MAMDC2: variants seen among roughly 807,000 people sequenced by gnomAD.
MAMDC2 encodes MAM domain containing 2.
MAMDC2 carries 57 observed loss-of-function variants against 89.8 expected under a neutral mutation model. That is an observed-to-expected ratio of 0.63 (90% CI 0.51 to 0.79). The LOEUF is 0.79. Among genes scored for constraint, MAMDC2 ranks in the 30% least tolerant of loss-of-function variants. The pLI is 0.00. For synonymous variants in MAMDC2, 313 were observed against 293.4 expected, an observed-to-expected ratio of 1.07 and a Z score of -0.68; for missense variants, 800 against 820.6, an observed-to-expected ratio of 0.97 and a Z score of 0.31.
intron 11 of MAMDC2, among the ~76,000 whole-genome samples, chr9:70,216,012 A>G (rs540679339): frequency 7.9e-5 from 12 of 152,350 alleles, no homozygotes; most frequent in African/African-American, 2.2e-4. Flanking sequence ...CTCGATTGCC[A>G]TATTTTTGGA....
At chr9:70,163,373 C>T (rs1285125003) in intron 9 of MAMDC2, among the ~76,000 whole-genome samples, 2 of 151,828 alleles carry the variant, frequency 1.3e-5, no homozygotes, top group East Asian at 2.0e-4. Flanking sequence ...GGACTACAGG[C>T]GTGAGCCACC....
At chr9:70,173,177 A>C (rs1293484875) in intron 11 of MAMDC2, among the ~76,000 whole-genome samples, 1 of 152,124 alleles carries the variant, frequency 6.6e-6, no homozygotes, top group Non-Finnish European at 1.5e-5. Flanking sequence ...TGGCTGTAGC[A>C]ACTGCAGTCT....
chr9:70,044,947 A>G (rs563088610), intron 2 of MAMDC2, among the ~76,000 whole-genome samples: 1 of 152,136 alleles, frequency 6.6e-6, no homozygotes, highest in East Asian at 1.9e-4. Context: ...TCACCCCAGC[A>G]CTCCTTAATG....
intron 12 of MAMDC2, 23 bp downstream of exon 12, chr9:70,218,619 TA>T (rs1399024912): frequency 6.4e-7 from 1 of 1,563,244 alleles, no homozygotes; most frequent in Admixed American, 1.9e-5. Flanking sequence ...AGATAAGAAC[TA>T]AGCAATGGAA....
At chr9:70,202,445 A>G (rs1217137794) in intron 11 of MAMDC2, among the ~76,000 whole-genome samples, 2 of 151,342 alleles carry the variant, frequency 1.3e-5, no homozygotes, top group African/African-American at 4.8e-5. Flanking sequence ...CTGTTCTTTT[A>G]CATTTGCTGA....
intron 11 of MAMDC2, among the ~76,000 whole-genome samples, chr9:70,215,885 GT>G (rs2033436901): frequency 6.6e-6 from 1 of 152,152 alleles, no homozygotes; most frequent in African/African-American, 2.4e-5. Flanking sequence ...TTCTCCCACT[GT>G]TTTAATAAAC....
intron 12 of MAMDC2, among the ~76,000 whole-genome samples, chr9:70,219,227 C>A (rs2033509334): frequency 2.0e-5 from 3 of 152,176 alleles, no homozygotes; most frequent in Admixed American, 2.0e-4. Flanking sequence ...TAGGTAGGGG[C>A]TGAACAGCCA....
chr9:70,082,487 T>C (rs1827675509), intron 2 of MAMDC2: 1 of 152,180 alleles, frequency 6.6e-6, no homozygotes, highest in South Asian at 2.1e-4. Flanking sequence ...ATTTAAAAAG[T>C]GAATGAAAGG....
intron 12 of MAMDC2, among the ~76,000 whole-genome samples, chr9:70,219,412 T>G (rs2033513047): frequency 6.6e-6 from 1 of 152,244 alleles, no homozygotes; most frequent in Non-Finnish European, 1.5e-5. Context: ...ACCTTCCTAC[T>G]CATTCTTACT....
chr9:70,205,433 C>G (rs2033204898), intron 11 of MAMDC2, among the ~76,000 whole-genome samples: 1 of 152,128 alleles, frequency 6.6e-6, no homozygotes, highest in African/African-American at 2.4e-5. Flanking sequence ...TCTTTTTCCC[C>G]TGATTTTTAA....
At chr9:70,118,816 CT>C (rs2118303046) in intron 5 of MAMDC2, among the ~76,000 whole-genome samples, 1 of 152,292 alleles carries the variant, frequency 6.6e-6, no homozygotes, top group Admixed American at 6.5e-5. Context: ...CAGGAGAGTG[CT>C]AGTCTTTGTG....
chr9:70,077,580 A>G (rs1827561570), intron 2 of MAMDC2, among the ~76,000 whole-genome samples: 1 of 152,198 alleles, frequency 6.6e-6, no homozygotes, highest in Admixed American at 6.5e-5. Context: ...TTTAGACAGC[A>G]TGGCTCCATG....
At chr9:70,126,752 C>G (rs1399506954) in intron 6 of MAMDC2, among the ~76,000 whole-genome samples, 1 of 152,090 alleles carries the variant, frequency 6.6e-6, no homozygotes, top group African/African-American at 2.4e-5. Context: ...AGATCAGAAC[C>G]CTCCAAGTAA....
At chr9:70,215,744 A>G (rs2033433326) in intron 11 of MAMDC2, among the ~76,000 whole-genome samples, 1 of 152,166 alleles carries the variant, frequency 6.6e-6, no homozygotes, top group Non-Finnish European at 1.5e-5. Flanking sequence ...GTCATTCCTT[A>G]TATGTGACTG....
chr9:70,161,744 C>G (rs114835566), intron 9 of MAMDC2, among the ~76,000 whole-genome samples: 1 of 152,112 alleles, frequency 6.6e-6, no homozygotes, highest in Non-Finnish European at 1.5e-5. Context: ...GCAATTACAT[C>G]GTATAGTATA....
At position 70,143,735 on chromosome 9, in the gene MAMDC2, A is replaced by G. The variant is rs202091853; in HGVS notation, c.1320A>G (p.Gln440=). 13 of 1,614,094 alleles carry G rather than the reference A, an allele frequency of 8.1e-6. No homozygotes were observed. The highest frequency in any genetic ancestry group is 3.3e-4 in the Middle Eastern group (2 of 6,084). The part of the protein sequence containing the change: ...VYIFEENHVV[Q]EKIWSVLESP... ...TCTTTGAAGAGAACCATGTGGTTCA[A>G]GAGAAGATCTGGTCTGTGTTGGAGT... Residue 440 remains glutamine, a synonymous_variant, in exon 9 of 14, where the codon CAA becomes CAG. Transcript: ENST00000377182.
chr9:70,148,711 A>G (rs1175778359), intron 9 of MAMDC2, among the ~76,000 whole-genome samples: 1 of 149,248 alleles, frequency 6.7e-6, no homozygotes, highest in Non-Finnish European at 1.5e-5. Flanking sequence ...CCTAGCCAAC[A>G]TGGTAATAGC....
At position 70,082,395 on chromosome 9, in the gene MAMDC2, A is replaced by T. The variant is rs1187641264; in HGVS notation, c.149-25816A>T. Among the ~76,000 whole-genome samples the T allele has an allele frequency of 1.3e-5, 2 of 152,146 alleles. 1 individual carries two copies. Among genetic ancestry groups the T allele is most frequent in the African/African-American group, 4.8e-5 (2 of 41,446 alleles). On this transcript the variant is annotated intron_variant, in intron 2 of 13. Coordinates refer to ENST00000377182, the MANE Select transcript of MAMDC2 (RefSeq NM_153267.5). ...AAATGTCAAATTCATTAGGTAAAAA[A>T]ACTCTTTTAAAAAAGGCATCTTCAA...
chr9:70,222,183 G>A (rs1230693527), intron 12 of MAMDC2, among the ~76,000 whole-genome samples: 1 of 152,152 alleles, frequency 6.6e-6, no homozygotes, highest in African/African-American at 2.4e-5. Context: ...CTTTTGGCAT[G>A]AGCAATTGCT....
Sources: allele counts gnomAD v4.1 joint callset (sites outside exome capture counted in the v4.1 genomes callset), GRCh38; gene constraint gnomAD v4.1.1; transcripts MANE v1.5; gene names NCBI Gene and HGNC (gene_info 2026-07-23, HGNC 2026-07-21).